The following ZCCHC14 variants were observed in gnomAD, a reference collection of about 807,000 sequenced individuals.
The protein encoded by ZCCHC14 is zinc finger CCHC-type containing 14, also known as zinc finger CCHC domain-containing protein 14.
A neutral mutation model predicts 85.0 loss-of-function variants in ZCCHC14; 16 were observed. That is an observed-to-expected ratio of 0.19 (90% CI 0.13 to 0.29). The LOEUF (loss-of-function observed/expected upper bound fraction) is 0.29. Among genes scored for constraint, ZCCHC14 ranks in the 10% least tolerant of loss-of-function variants. ZCCHC14 has a pLI of 1.00. For missense variants in ZCCHC14, 1,303 were observed against 1,443.5 expected, an observed-to-expected ratio of 0.90 and a Z score of 1.58; for synonymous variants, 775 against 630.7, an observed-to-expected ratio of 1.23 and a Z score of -3.43.
intron 1 of ZCCHC14, among the ~76,000 whole-genome samples, chr16:87,481,202 G>C (rs1443689478): frequency 6.6e-6 from 1 of 152,120 alleles, no homozygotes; most frequent in Non-Finnish European, 1.5e-5. Context: ...CCTAGGTCAA[G>C]GTCAGAGTTG....
At chr16:87,435,724 G>C (rs764644092) in intron 2 of ZCCHC14, among the ~76,000 whole-genome samples, 19 of 152,260 alleles carry the variant, frequency 1.2e-4, no homozygotes, top group Admixed American at 1.2e-3. Flanking sequence ...TGCATCTCAC[G>C]GATGCGGGAG....
rs183312466 is a variant in ZCCHC14, at chr16:87,454,051, C to A, written c.694+5957G>T. Reference sequence around the variant, plus strand: ...TCCATTAGCTTGGTGTACCAGCAGACTGAAAATGACAGAAGGGTACAAGAG... The same window carrying A: ...TCCATTAGCTTGGTGTACCAGCAGAATGAAAATGACAGAAGGGTACAAGAG... On this transcript the variant is annotated intron_variant, in intron 2 of 12. Coordinates refer to ENST00000671377, the MANE Select transcript of ZCCHC14 (RefSeq NM_015144.3). Among the ~76,000 whole-genome samples, 134 of 152,068 alleles carry A rather than the reference C, an allele frequency of 8.8e-4. No individual in the cohort carries two copies. The Middle Eastern group carries it at 0.014, about 15-fold the overall frequency.
At chr16:87,457,480 T>C (rs1044524160) in intron 2 of ZCCHC14, among the ~76,000 whole-genome samples, 7 of 152,198 alleles carry the variant, frequency 4.6e-5, no homozygotes, top group Non-Finnish European at 7.3e-5. Context: ...ATAGGTATAA[T>C]CAGCCCTCAA....
In ZCCHC14 at chr16:87,411,866, G is replaced by C; in HGVS notation, c.2855C>G (p.Ser952Cys). The C allele has an allele frequency of 6.2e-7, 1 of 1,605,426 alleles. No individual in the cohort carries two copies. The highest frequency in any genetic ancestry group is 8.5e-7 in the Non-Finnish European group (1 of 1,176,594). ...SYANYFQHPF[S>C]GPSVFTFPFL... ...GGGGAAGGTGAACACGGACGGACCGGAGAACGGGTGCTGGAAGTAGTTGGC... is the reference window on the plus strand; with the variant it reads ...GGGGAAGGTGAACACGGACGGACCGCAGAACGGGTGCTGGAAGTAGTTGGC... Residue 952 changes from serine to cysteine, a missense_variant, in exon 12 of 13, where the codon TCC (serine) becomes TGC (cysteine). This residue lies in a region of ZCCHC14 where 797 missense variants were observed against 730.8 expected (regional missense o/e 1.09). Transcript: ENST00000671377.
intron 3 of ZCCHC14, among the ~76,000 whole-genome samples, 185 bp downstream of exon 3, chr16:87,432,943 G>GC (rs1429383105): frequency 7.3e-5 from 11 of 151,402 alleles, no homozygotes; most frequent in African/African-American, 2.2e-4. Context: ...GCCTGCAGAG[G>GC]CCCCCCAGCC....
chr16:87,452,953 A>G (rs1031908753), intron 2 of ZCCHC14, among the ~76,000 whole-genome samples: 12 of 152,204 alleles, frequency 7.9e-5, no homozygotes, highest in African/African-American at 2.9e-4. Context: ...CCAAGTGGAG[A>G]TACCTTGGGG....
rs1263550282 is a variant in ZCCHC14 at position 87,491,059 on chromosome 16, A to G, written c.570+610T>C. On this transcript the variant is annotated intron_variant, in intron 1 of 12. Coordinates refer to ENST00000671377, the MANE Select transcript of ZCCHC14 (RefSeq NM_015144.3). This position sits in a 1 kb window ranked among gnomAD's most constrained non-coding sequence, Gnocchi z 5.9. The stretch of plus-strand genomic sequence containing the variant: ...TTCCTTTTCTGGTAATAAATACCAG[A>G]TTTGGGGAAACCAAGGCGCCGCAAT... Among the ~76,000 whole-genome samples, 1 of 152,232 alleles carries G rather than the reference A, an allele frequency of 6.6e-6. No individual in the cohort carries two copies. The highest frequency in any genetic ancestry group is 1.9e-4 in the East Asian group (1 of 5,200).
chr16:87,406,468 T>C lies in ZCCHC14; in HGVS notation c.*3812A>G, dbSNP rs1416797398. 1 of 152,598 alleles carries C rather than the reference T, an allele frequency of 6.6e-6. No homozygotes were observed. Among genetic ancestry groups the C allele is most frequent in the Non-Finnish European group, 1.5e-5 (1 of 68,034 alleles). 9.5% of individuals were successfully genotyped at this position (152,598 alleles called of 1,614,324 possible). On this transcript the variant is annotated 3_prime_UTR_variant, in exon 13 of 13. Coordinates refer to ENST00000671377, the MANE Select transcript of ZCCHC14 (RefSeq NM_015144.3). ...TAAAGTTACATGCAATTTTGTAGAA[T>C]TGACAAAAGAATGGCTCAAAAATGG...
At chr16:87,470,329 C>CAAATAAATAAAT (rs151092492) in intron 1 of ZCCHC14, 2 of 151,600 alleles carry the variant, frequency 1.3e-5, no homozygotes, top group East Asian at 1.9e-4. Flanking sequence ...CACCCCAACT[C>CAAATAAATAAAT]AAATAAATAA....
intron 2 of ZCCHC14, among the ~76,000 whole-genome samples, chr16:87,451,840 C>T (rs534740039): frequency 5.8e-4 from 88 of 152,278 alleles, no homozygotes; most frequent in African/African-American, 2.0e-3. Flanking sequence ...ACAGTGAACA[C>T]GGAAAGAAAT....
intron 2 of ZCCHC14, among the ~76,000 whole-genome samples, chr16:87,442,201 C>T (rs1020679755): frequency 1.3e-5 from 2 of 152,312 alleles, no homozygotes; most frequent in African/African-American, 2.4e-5. Context: ...TGAGGCTGGA[C>T]GGCAAGCAAT....
intron 1 of ZCCHC14, among the ~76,000 whole-genome samples, chr16:87,489,048 G>A (rs1181393231): frequency 3.3e-5 from 5 of 152,200 alleles, no homozygotes; most frequent in Non-Finnish European, 5.9e-5. Context: ...TACACCAAAC[G>A]TTAGATTTAG....
chr16:87,415,161 ATAAGCAACAGGAAC>A, intron 9 of ZCCHC14, 101 bp downstream of exon 9: 3 of 784,312 alleles, frequency 3.8e-6, no homozygotes, highest in Non-Finnish European at 4.3e-6. Context: ...TAAGGACTGG[ATAAGCAACAGGAAC>A]TAATCCAATC....
chr16:87,463,035 T>C (rs184375351), intron 1 of ZCCHC14, among the ~76,000 whole-genome samples: 2 of 152,098 alleles, frequency 1.3e-5, no homozygotes, highest in Admixed American at 1.3e-4. Flanking sequence ...GCCATTGCAC[T>C]CCAGCCTGGG....
intron 6 of ZCCHC14, among the ~76,000 whole-genome samples, chr16:87,419,145 T>C (rs1908954798): frequency 6.6e-6 from 1 of 150,948 alleles, no homozygotes; most frequent in Non-Finnish European, 1.5e-5. Flanking sequence ...TATTTTATTT[T>C]GGAGATGGAG....
chr16:87,414,555 A>G lies in ZCCHC14; in HGVS notation c.1476-14T>C, dbSNP rs765440843. On this transcript the variant is annotated splice_polypyrimidine_tract_variant and intron_variant, in intron 9 of 12. Transcript: ENST00000671377. The stretch of plus-strand genomic sequence containing the variant: ...TCTGACTTCTCCCTGTGAAATAATC[A>G]AGCACAGGAACAAGTGAGCACTGCC... The G allele has an allele frequency of 4.4e-6, 7 of 1,606,116 alleles. No homozygotes were observed. Among genetic ancestry groups the G allele is most frequent in the Non-Finnish European group, 5.1e-6 (6 of 1,175,662 alleles).
intron 1 of ZCCHC14, among the ~76,000 whole-genome samples, chr16:87,488,631 C>A (rs1430370770): frequency 6.6e-6 from 1 of 152,228 alleles, no homozygotes; most frequent in Admixed American, 6.5e-5. Context: ...GGCTGGAATG[C>A]AGTGGCATGA....
rs564630612 is a variant in ZCCHC14 at position 87,417,121 on chromosome 16, C to T, written c.1383+339G>A. On this transcript the variant is annotated intron_variant, in intron 8 of 12. Transcript: ENST00000671377. ...CCCGCCGCAGTGTCTGCGCCAGCTA[C>T]GCCGAGAAATGTCTAAAAGGGGCAC... is the stretch of plus-strand genomic sequence containing the variant. 8.5e-5 allele frequency among the ~76,000 whole-genome samples: 13 copies of T among 152,322 alleles called. 1 individual carries two copies. Among genetic ancestry groups the T allele is most frequent in the African/African-American group, 2.4e-4 (10 of 41,572 alleles).
intron 4 of ZCCHC14, among the ~76,000 whole-genome samples, chr16:87,423,574 C>CCTCATCTCAGT (rs1909214379): frequency 1.3e-5 from 2 of 152,130 alleles, no homozygotes; most frequent in Admixed American, 1.3e-4. Flanking sequence ...CATCTCTCAG[C>CCTCATCTCAGT]CTCATCTCAG....
Sources: allele counts gnomAD v4.1 joint callset (sites outside exome capture counted in the v4.1 genomes callset), GRCh38; gene constraint gnomAD v4.1.1; regional missense constraint gnomAD v4.1.1; non-coding constraint Gnocchi (gnomAD v3.1); transcripts MANE v1.5; gene names NCBI Gene and HGNC (gene_info 2026-07-23, HGNC 2026-07-21).